The following HTT variants were observed in gnomAD, a reference collection of about 807,000 sequenced individuals.
The protein encoded by HTT is huntington disease protein.
HTT carries 104 observed loss-of-function variants against 362.3 expected under a neutral mutation model. The ratio of observed to expected loss-of-function variants is 0.29; its 90% confidence interval spans 0.24 to 0.34. The LOEUF (loss-of-function observed/expected upper bound fraction) is 0.34, where lower values mean the gene tolerates loss of function less well. Ranked by LOEUF, HTT falls within the 10% of genes least tolerant of loss-of-function variation. The pLI, the probability that HTT is intolerant of heterozygous loss-of-function variation, is 1.00. For missense variants in HTT, 3,301 were observed against 3,928.6 expected (o/e 0.84, Z 4.27); for synonymous variants, 1,577 against 1,548.7 (o/e 1.02, Z -0.43).
At position 3,166,378 on chromosome 4, in the gene HTT, G is replaced by C. The variant is rs1365297032; in HGVS notation, c.3865-5942G>C. On this transcript the variant is annotated intron_variant, in intron 29 of 66. Coordinates refer to ENST00000355072, the MANE Select transcript of HTT (RefSeq NM_001388492.1). ...TCCCAGTCAGGCTACATGGGGGTCAGGGACCCACTTGAGGCAGTCTGTTCA... is the reference window on the plus strand; with the variant it reads ...TCCCAGTCAGGCTACATGGGGGTCACGGACCCACTTGAGGCAGTCTGTTCA... Among the ~76,000 whole-genome samples, 8 of 152,218 alleles carry C rather than the reference G, an allele frequency of 5.3e-5. No homozygotes were observed. In the East Asian group the frequency reaches 1.5e-3, roughly 29 times the overall value.
rs745583559 is a variant in HTT at position 3,131,383 on chromosome 4, CA to C, written c.2085del (p.Gly697GlufsTer11). On this transcript the variant is annotated frameshift_variant, in exon 15 of 67. Transcript: ENST00000355072. LOFTEE classifies it high-confidence loss of function. The stretch of plus-strand genomic sequence containing the variant: ...CTTTTATCTGCTTCGTTTTTGCTAA[CA>C]GGGGGAAAAAATGGTGAGTACAAAA... ...VRLLSASFLLTGGKNVLVPDR... is the reference protein window; with the variant it reads ...VRLLSASFLLXGGKNVLVPDR... The C allele has an allele frequency of 3.7e-6, 6 of 1,612,902 alleles. No individual in the cohort carries two copies. Among genetic ancestry groups the C allele is most frequent in the Non-Finnish European group, 4.2e-6 (5 of 1,179,062 alleles).
chr4:3,167,401 A>G (rs1489797743), intron 29 of HTT, among the ~76,000 whole-genome samples: 1 of 152,160 alleles, frequency 6.6e-6, no homozygotes, highest in Non-Finnish European at 1.5e-5. Flanking sequence ...CTTTGCCCTA[A>G]ACCACTGTGC....
intron 40 of HTT, among the ~76,000 whole-genome samples, chr4:3,191,179 C>CTTTCT (rs1553918331): frequency 3.8e-4 from 46 of 120,386 alleles, no homozygotes; most frequent in East Asian, 1.1e-3. Context: ...TTCTTTCTTT[C>CTTTCT]TTTTTTTTTT....
intron 47 of HTT, among the ~76,000 whole-genome samples, chr4:3,211,430 TG>T (rs767667557): frequency 6.6e-6 from 1 of 152,218 alleles, no homozygotes; most frequent in Non-Finnish European, 1.5e-5. Context: ...AATCTTTAAA[TG>T]GCTAAACAAA....
chr4:3,179,438 C>T (rs553139583), intron 35 of HTT, among the ~76,000 whole-genome samples: 11 of 152,244 alleles, frequency 7.2e-5, no homozygotes, highest in African/African-American at 2.4e-4. Flanking sequence ...TATACCCATG[C>T]GTGCATGCCA....
intron 29 of HTT, among the ~76,000 whole-genome samples, chr4:3,164,351 T>C (rs1717595334): frequency 6.6e-6 from 1 of 152,168 alleles, no homozygotes; most frequent in Non-Finnish European, 1.5e-5. Flanking sequence ...TCCAACTATG[T>C]GGTCAGTTTT....
At chr4:3,127,663 C>CAAATAAA in intron 12 of HTT, 59 bp downstream of exon 12, 8 of 1,322,404 alleles carry the variant, frequency 6.0e-6, no homozygotes, top group Non-Finnish European at 7.4e-6. Context: ...GACAGAGTCT[C>CAAATAAA]ACTCCATAGT....
intron 29 of HTT, 134 bp downstream of exon 29, chr4:3,160,526 C>T (rs761130649): frequency 7.5e-6 from 5 of 662,648 alleles, no homozygotes; most frequent in East Asian, 2.7e-5. Context: ...CACGTGCTTG[C>T]GTCACAGGAC....
Position 3,136,126 on chromosome 4 carries a change from A to G in HTT, c.2698-100A>G, listed in dbSNP as rs191661271. On this transcript the variant is annotated intron_variant, in intron 20 of 66. Coordinates refer to ENST00000355072, the MANE Select transcript of HTT (RefSeq NM_001388492.1). ...AATCTTGTCATATGGATTTAAGTCT[A>G]GTAATGTTGAGTTCTTTCTCACTAG... is the stretch of plus-strand genomic sequence containing the variant. 139 of 903,900 alleles carry G rather than the reference A, an allele frequency of 1.5e-4. 1 individual carries two copies. In the African/African-American group the frequency reaches 2.0e-3, roughly 13 times the overall value. 56.0% of individuals were successfully genotyped at this position (903,900 alleles called of 1,614,324 possible).
At position 3,187,696 on chromosome 4, in the gene HTT, A is replaced by G; in HGVS notation, c.5035A>G (p.Ile1679Val). 6.2e-7 allele frequency: 1 copy of G among 1,614,114 alleles called. No individual in the cohort carries two copies. The highest frequency in any genetic ancestry group is 1.1e-5 in the South Asian group (1 of 91,086). The part of the protein sequence containing the change: ...VQLWISGILA[I>V]LRVLISQSTE... ...ACTGTGGATATCGGGAATTCTGGCC[A>G]TTTTGAGGGTTCTGATTTCCCAGTC... The change falls in exon 39 of 67, where the codon ATT becomes GTT. Residue 1679 changes from isoleucine (I) to valine (V), a missense_variant. Transcript: ENST00000355072.
chr4:3,161,029 A>G (rs573073706), intron 29 of HTT, among the ~76,000 whole-genome samples: 12 of 152,258 alleles, frequency 7.9e-5, no homozygotes, highest in African/African-American at 1.7e-4. Flanking sequence ...CCATCAACCC[A>G]TCACCTACAT....
rs569576666 is a variant in HTT, at chr4:3,238,706, C to T, written c.9054+97C>T. 5.0e-4 allele frequency: 730 copies of T among 1,454,476 alleles called. 2 individuals are homozygous for T. The highest frequency in any genetic ancestry group is 6.4e-4 in the Non-Finnish European group (685 of 1,066,644). 90.1% of individuals were successfully genotyped at this position (1,454,476 alleles called of 1,614,324 possible). On this transcript the variant is annotated intron_variant, in intron 65 of 66. Coordinates refer to ENST00000355072, the MANE Select transcript of HTT (RefSeq NM_001388492.1). ...ATTCGCCAGCAGAGCCCAGCTCCTC[C>T]GCTTTAAAGCAGCAATGCCTCTGGC...
chr4:3,202,917 A>C (rs1560591621), intron 41 of HTT: 1 of 152,328 alleles, frequency 6.6e-6, no homozygotes, highest in South Asian at 2.1e-4. Flanking sequence ...AGGCAGGAGG[A>C]TCACTTGAGC....
intron 18 of HTT, among the ~76,000 whole-genome samples, chr4:3,133,201 A>G (rs1403248740): frequency 2.0e-5 from 3 of 152,040 alleles, no homozygotes; most frequent in Non-Finnish European, 2.9e-5. Flanking sequence ...TCTGTTGAAT[A>G]TGCTGGGCAC....
intron 42 of HTT, among the ~76,000 whole-genome samples, chr4:3,204,422 A>G (rs1034683541): frequency 1.3e-5 from 2 of 152,260 alleles, no homozygotes; most frequent in Non-Finnish European, 2.9e-5. Flanking sequence ...TCACGCCTAC[A>G]TGATGCTGGG....
chr4:3,217,776 A>G lies in HTT; in HGVS notation c.7066A>G (p.Ile2356Val), dbSNP rs1720483408. 1.7e-5 allele frequency: 27 copies of G among 1,613,436 alleles called. No homozygotes were observed. The highest frequency in any genetic ancestry group is 2.3e-5 in the Non-Finnish European group (27 of 1,179,640). ...VDPNTQNPKY[I>V]TAACEMVAEM... ...CGTTGCTTGTTTAGATCCTAAGTAT[A>G]TCACTGCAGCCTGTGAGATGGTGGC... Residue 2356 changes from isoleucine (I) to valine (V), a missense_variant, in exon 52 of 67, where the codon ATC (isoleucine) becomes GTC (valine). Physicochemically the swap from Ile to Val is conservative, Grantham distance 29. Coordinates refer to ENST00000355072, the MANE Select transcript of HTT (RefSeq NM_001388492.1).
chr4:3,131,153 G>A (rs1715794013), intron 14 of HTT, 133 bp from the exon 15 acceptor site: 2 of 680,478 alleles, frequency 2.9e-6, no homozygotes, highest in South Asian at 3.4e-5. Context: ...GTGTGCATAT[G>A]GGCACAAACC....
intron 40 of HTT, among the ~76,000 whole-genome samples, chr4:3,195,665 A>C (rs1163511170): frequency 6.6e-6 from 1 of 152,052 alleles, no homozygotes; most frequent in Non-Finnish European, 1.5e-5. Context: ...TACTGTAACA[A>C]ATAAACCAAC....
chr4:3,121,996 A>AGAAAT (rs1358000493), intron 9 of HTT, among the ~76,000 whole-genome samples: 1 of 152,234 alleles, frequency 6.6e-6, no homozygotes, highest in East Asian at 1.9e-4. Flanking sequence ...TTAGGTGCTG[A>AGAAAT]GAAATGAAAA....
Sources: allele counts gnomAD v4.1 joint callset (sites outside exome capture counted in the v4.1 genomes callset), GRCh38; gene constraint gnomAD v4.1.1; transcripts MANE v1.5; gene names NCBI Gene and HGNC (gene_info 2026-07-23, HGNC 2026-07-21).